RAP1GDS1: variants seen among roughly 807,000 people sequenced by gnomAD.
The protein encoded by RAP1GDS1 is RAP1, GTP-GDP dissociation stimulator 1.
RAP1GDS1 carries 35 observed loss-of-function variants against 71.1 expected under a neutral mutation model. The observed-to-expected ratio is 0.49, with a 90% CI of 0.38 to 0.65. The LOEUF (loss-of-function observed/expected upper bound fraction) is 0.65. RAP1GDS1 is among the 30% of genes least tolerant of loss of function. RAP1GDS1 has a pLI of 0.00. For synonymous variants in RAP1GDS1, 229 were observed against 243.1 expected (o/e 0.94, Z 0.54); for missense variants, 663 against 706.1 (o/e 0.94, Z 0.69).
chr4:98,302,533 A>G (rs1225383728), intron 2 of RAP1GDS1, among the ~76,000 whole-genome samples: 1 of 152,204 alleles, frequency 6.6e-6, no homozygotes, highest in African/African-American at 2.4e-5. Flanking sequence ...AAGAAGGAAA[A>G]CAAAATGGTG....
chr4:98,375,578 A>G (rs1741052308), intron 4 of RAP1GDS1, among the ~76,000 whole-genome samples: 1 of 152,216 alleles, frequency 6.6e-6, no homozygotes, highest in African/African-American at 2.4e-5. Context: ...AACATATTAG[A>G]AAGATTTTTG....
At chr4:98,395,517 T>C (rs887320322) in intron 6 of RAP1GDS1, among the ~76,000 whole-genome samples, 1 of 152,222 alleles carries the variant, frequency 6.6e-6, no homozygotes, top group African/African-American at 2.4e-5. Context: ...AAAAGTATTG[T>C]TGGAAGAGTC....
intron 2 of RAP1GDS1, among the ~76,000 whole-genome samples, chr4:98,332,456 A>C (rs1460337458): frequency 6.6e-6 from 1 of 152,210 alleles, no homozygotes; most frequent in East Asian, 1.9e-4. Context: ...AAAGGAACTG[A>C]TGAAAAAGTT....
intron 12 of RAP1GDS1, among the ~76,000 whole-genome samples, chr4:98,433,496 T>G (rs1009547216): frequency 6.6e-6 from 1 of 152,112 alleles, no homozygotes; most frequent in African/African-American, 2.4e-5. Flanking sequence ...GGTCTCGCTA[T>G]GTTGCCAGGC....
At chr4:98,272,302 T>A (rs912685717) in intron 1 of RAP1GDS1, among the ~76,000 whole-genome samples, 1 of 152,198 alleles carries the variant, frequency 6.6e-6, no homozygotes, top group African/African-American at 2.4e-5. Context: ...AGTAAGTTTA[T>A]TCCTGTAGCA....
At chr4:98,350,380 G>A (rs897151858) in intron 3 of RAP1GDS1, among the ~76,000 whole-genome samples, 2 of 152,132 alleles carry the variant, frequency 1.3e-5, no homozygotes, top group Non-Finnish European at 2.9e-5. Context: ...GAACATCTGT[G>A]TTTAATATGA....
intron 14 of RAP1GDS1, 181 bp from the exon 15 acceptor site, chr4:98,441,809 G>T (rs550075855): frequency 1.8e-6 from 1 of 564,174 alleles, no homozygotes; most frequent in South Asian, 7.8e-5. Context: ...AAGTTTTTAT[G>T]ATTTTTTTAA....
chr4:98,383,467 T>C lies in RAP1GDS1; in HGVS notation c.508+4304T>C, dbSNP rs372540458. 5.7e-4 allele frequency among the ~76,000 whole-genome samples: 87 copies of C among 151,666 alleles called. No homozygotes were observed. In the South Asian group the frequency reaches 0.017, roughly 29 times the overall value. On this transcript the variant is annotated intron_variant, in intron 5 of 14. Transcript: ENST00000408927. The stretch of plus-strand genomic sequence containing the variant: ...ACAGCCGATTTTTCTAATATTTTAA[T>C]TACTCCTCATTATTGAAAAACTAAT...
intron 2 of RAP1GDS1, among the ~76,000 whole-genome samples, chr4:98,334,283 CTG>C (rs1042562655): frequency 1.3e-5 from 2 of 151,920 alleles, no homozygotes; most frequent in Non-Finnish European, 2.9e-5. Flanking sequence ...TGGGGTAAAA[CTG>C]TTTCTATAGC....
At chr4:98,402,134 A>G (rs1391963646) in intron 6 of RAP1GDS1, among the ~76,000 whole-genome samples, 2 of 152,060 alleles carry the variant, frequency 1.3e-5, no homozygotes, top group Non-Finnish European at 2.9e-5. Context: ...GTGCAGTGGC[A>G]TGATCTCTGC....
At chr4:98,440,762 G>A (rs1444161206) in intron 14 of RAP1GDS1, among the ~76,000 whole-genome samples, 1 of 152,148 alleles carries the variant, frequency 6.6e-6, no homozygotes, top group Non-Finnish European at 1.5e-5. Context: ...TTGTTGCCCA[G>A]GCTGCAGTGC....
chr4:98,287,830 CAT>C (rs1726268310), intron 1 of RAP1GDS1, among the ~76,000 whole-genome samples: 1 of 151,768 alleles, frequency 6.6e-6, no homozygotes, highest in African/African-American at 2.4e-5. Flanking sequence ...GTTCACAAAA[CAT>C]ATTTAGTATT....
chr4:98,400,389 A>G (rs1745204267), intron 6 of RAP1GDS1, among the ~76,000 whole-genome samples: 1 of 152,146 alleles, frequency 6.6e-6, no homozygotes, highest in Non-Finnish European at 1.5e-5. Context: ...TCAGCCACCG[A>G]AAAGAATGAA....
chr4:98,359,727 A>T (rs529517506), intron 4 of RAP1GDS1, among the ~76,000 whole-genome samples: 11 of 152,200 alleles, frequency 7.2e-5, no homozygotes, highest in Non-Finnish European at 1.2e-4. Flanking sequence ...GACAGGAAGG[A>T]GCCTCTGAAA....
intron 1 of RAP1GDS1, among the ~76,000 whole-genome samples, chr4:98,286,177 A>G (rs941903913): frequency 6.6e-6 from 1 of 151,120 alleles, no homozygotes; most frequent in African/African-American, 2.4e-5. Context: ...AGGTGGGAGG[A>G]TTGCCTAAGC....
intron 6 of RAP1GDS1, among the ~76,000 whole-genome samples, chr4:98,403,607 G>A (rs937068897): frequency 1.3e-5 from 2 of 152,146 alleles, no homozygotes; most frequent in African/African-American, 4.8e-5. Context: ...TCCAGAAGAG[G>A]GTTATGAATA....
chr4:98,439,208 C>T (rs535575522), intron 14 of RAP1GDS1, among the ~76,000 whole-genome samples: 1 of 152,222 alleles, frequency 6.6e-6, no homozygotes, highest in Non-Finnish European at 1.5e-5. Context: ...ATTCTGGGTT[C>T]ACAGTTCTTT....
chr4:98,295,402 A>C (rs552855893), intron 2 of RAP1GDS1, among the ~76,000 whole-genome samples: 3 of 152,246 alleles, frequency 2.0e-5, no homozygotes, highest in Admixed American at 1.3e-4. Flanking sequence ...CCTCAAGCCT[A>C]AGACTACTGA....
intron 4 of RAP1GDS1, among the ~76,000 whole-genome samples, chr4:98,362,759 T>C (rs1379156997): frequency 6.6e-6 from 1 of 152,206 alleles, no homozygotes; most frequent in African/African-American, 2.4e-5. Context: ...TCACATATTT[T>C]TATAGTAATG....
Sources: allele counts gnomAD v4.1 joint callset (sites outside exome capture counted in the v4.1 genomes callset), GRCh38; gene constraint gnomAD v4.1.1; transcripts MANE v1.5; gene names NCBI Gene and HGNC (gene_info 2026-07-23, HGNC 2026-07-21).